RPS6KA5: variants seen among roughly 807,000 people sequenced by gnomAD.
RPS6KA5 encodes ribosomal protein S6 kinase A5, also known as ribosomal protein S6 kinase alpha-5.
In RPS6KA5, 27 loss-of-function variants were observed where a neutral mutation model predicts 85.5. The observed-to-expected ratio is 0.32, with a 90% CI of 0.23 to 0.44. RPS6KA5 has a LOEUF of 0.44. Among genes scored for constraint, RPS6KA5 ranks in the 20% least tolerant of loss-of-function variants. The pLI is 1.00. For synonymous variants in RPS6KA5, 334 were observed against 348.2 expected, an observed-to-expected ratio of 0.96 and a Z score of 0.46; for missense variants, 811 against 980.9, an observed-to-expected ratio of 0.83 and a Z score of 2.31.
In RPS6KA5 at chr14:90,853,923, C is replaced by G. The variant is rs2032144232; in HGVS notation, c.*18151G>C. On this transcript the variant is annotated 3_prime_UTR_variant, in exon 17 of 17. Transcript: ENST00000614987. ...GATTAATCATTTGTACCAGAGAAAA[C>G]TCTGTATATACCAGTACAGGTGGGG... The G allele has an allele frequency of 1.3e-5, 2 of 152,104 alleles. No homozygotes were observed. The highest frequency in any genetic ancestry group is 6.5e-5 in the Admixed American group (1 of 15,270). The allele number at this position is 152,104 out of a possible 1,614,324, so 9.4% of individuals were successfully genotyped here.
intron 6 of RPS6KA5, 98 bp from the exon 7 acceptor site, chr14:90,920,407 T>TA: frequency 3.5e-6 from 3 of 859,402 alleles, no homozygotes; most frequent in Non-Finnish European, 3.7e-6. Context: ...GAAAATGTTT[T>TA]AAAAAATGAT....
intron 1 of RPS6KA5, among the ~76,000 whole-genome samples, chr14:91,057,557 C>A (rs941042723): frequency 6.6e-6 from 1 of 152,182 alleles, no homozygotes; most frequent in Non-Finnish European, 1.5e-5. Flanking sequence ...AAGAGATCCA[C>A]ACAGGCTGCT....
chr14:91,057,214 A>G (rs760858492), intron 1 of RPS6KA5, among the ~76,000 whole-genome samples: 13 of 152,004 alleles, frequency 8.6e-5, no homozygotes, highest in Non-Finnish European at 1.8e-4. Context: ...TTTCTTAGAC[A>G]TACATTCAAG....
chr14:91,051,021 A>C (rs1163677951), intron 1 of RPS6KA5, among the ~76,000 whole-genome samples: 4 of 151,966 alleles, frequency 2.6e-5, no homozygotes, highest in African/African-American at 9.7e-5. Flanking sequence ...TGAGGTCAGG[A>C]GTTCCAGACC....
intron 1 of RPS6KA5, among the ~76,000 whole-genome samples, chr14:91,053,231 T>C (rs1287310425): frequency 1.3e-5 from 2 of 152,192 alleles, no homozygotes; most frequent in African/African-American, 2.4e-5. Flanking sequence ...AATACATCTA[T>C]GAAAAACCCA....
chr14:91,052,791 G>A (rs1013727557), intron 1 of RPS6KA5, among the ~76,000 whole-genome samples: 5 of 146,508 alleles, frequency 3.4e-5, no homozygotes, highest in South Asian at 2.2e-4. Flanking sequence ...CAGAGTTCGC[G>A]TCACTGTACT....
chr14:90,948,273 G>A (rs970263074), intron 3 of RPS6KA5, among the ~76,000 whole-genome samples: 2 of 152,090 alleles, frequency 1.3e-5, no homozygotes, highest in Non-Finnish European at 2.9e-5. Flanking sequence ...CTTCATAAAC[G>A]CAGAACTTAT....
At chr14:91,051,400 G>A (rs1056912178) in intron 1 of RPS6KA5, among the ~76,000 whole-genome samples, 10 of 152,154 alleles carry the variant, frequency 6.6e-5, no homozygotes, top group African/African-American at 2.4e-4. Context: ...GCAACATAGT[G>A]AGATTCTGTC....
Position 91,060,626 on chromosome 14 carries a change from G to C in RPS6KA5, c.-192C>G. ...TCCTCGCCTCCTCCCCCTTCGGCGGGCACCGCTAGTACCGCGCAACCAAAC... is the reference window on the plus strand; with the variant it reads ...TCCTCGCCTCCTCCCCCTTCGGCGGCCACCGCTAGTACCGCGCAACCAAAC... On this transcript the variant is annotated 5_prime_UTR_variant, in exon 1 of 17. Coordinates refer to ENST00000614987, the MANE Select transcript of RPS6KA5 (RefSeq NM_004755.4). 1 of 742,048 alleles carries C rather than the reference G, an allele frequency of 1.3e-6. No homozygotes were observed. The highest frequency in any genetic ancestry group is 1.8e-6 in the Non-Finnish European group (1 of 541,522). 46.0% of individuals were successfully genotyped at this position (742,048 alleles called of 1,614,324 possible).
chr14:90,900,159 C>T lies in RPS6KA5; in HGVS notation c.1328G>A (p.Cys443Tyr). The T allele has an allele frequency of 1.9e-6, 3 of 1,606,432 alleles. No homozygotes were observed. Among genetic ancestry groups the T allele is most frequent in the Non-Finnish European group, 2.6e-6 (3 of 1,175,760 alleles). Reference sequence around the variant, plus strand: ...AGCTTGGTTACTTTTTTTATGCACACACTTTCGACAAATTGAAAAACTACC... The same window carrying T: ...AGCTTGGTTACTTTTTTTATGCACATACTTTCGACAAATTGAAAAACTACC... The part of the protein sequence containing the change: ...GEGSFSICRK[C>Y]VHKKSNQAFA... The change falls in exon 11 of 17, where the codon TGT becomes TAT. Residue 443 changes from cysteine (C) to tyrosine (Y), a missense_variant. Physicochemically the swap from Cys to Tyr is radical, Grantham distance 194. Around this residue, in one of 3 missense-constraint regions of RPS6KA5, gnomAD observed 650 missense variants for 793.4 expected, o/e 0.82. Transcript: ENST00000614987.
intron 1 of RPS6KA5, among the ~76,000 whole-genome samples, chr14:91,002,478 C>T (rs1463884510): frequency 6.6e-6 from 1 of 152,066 alleles, no homozygotes; most frequent in East Asian, 1.9e-4. Context: ...TTATATGGTG[C>T]TTGCTGTGTG....
rs550338007 is a variant in RPS6KA5, at chr14:91,030,207, T to C, written c.104-29048A>G. ...TGTCTGAAACGGATTTAAGGAGTTT[T>C]ATTCCCCAAGTCCTCACACTCGTAA... On this transcript the variant is annotated intron_variant, in intron 1 of 16. Transcript: ENST00000614987. Among the ~76,000 whole-genome samples the C allele has an allele frequency of 6.6e-5, 10 of 152,328 alleles. No homozygotes were observed. In the South Asian group the frequency reaches 8.3e-4, roughly 13 times the overall value.
intron 4 of RPS6KA5, among the ~76,000 whole-genome samples, chr14:90,943,512 C>G (rs528367290): frequency 2.4e-4 from 37 of 152,214 alleles, no homozygotes; most frequent in South Asian, 1.2e-3. Context: ...CCTTCAGGTG[C>G]CTTCATAGCC....
chr14:91,043,836 C>T (rs1281391306), intron 1 of RPS6KA5, among the ~76,000 whole-genome samples: 1 of 152,146 alleles, frequency 6.6e-6, no homozygotes, highest in Non-Finnish European at 1.5e-5. Context: ...AATCTCCTCC[C>T]CTTGAGTGAG....
At chr14:90,971,563 C>T (rs113925994) in intron 3 of RPS6KA5, among the ~76,000 whole-genome samples, 7 of 152,144 alleles carry the variant, frequency 4.6e-5, no homozygotes, top group African/African-American at 1.2e-4. Flanking sequence ...TAGTCTATTC[C>T]GTATCTGGTT....
Position 90,867,494 on chromosome 14 carries a change from T to C in RPS6KA5, c.*4580A>G, listed in dbSNP as rs1471997752. On this transcript the variant is annotated 3_prime_UTR_variant, in exon 17 of 17. Transcript: ENST00000614987. ...CTATACTAAATACTAACTTGACTTA[T>C]CTGAAGTATTCAATACTTTCTGATA... is the stretch of plus-strand genomic sequence containing the variant. The C allele has an allele frequency of 6.6e-6, 1 of 152,174 alleles. No homozygotes were observed. The highest frequency in any genetic ancestry group is 2.4e-5 in the African/African-American group (1 of 41,440). The allele number at this position is 152,174 out of a possible 1,614,324, so 9.4% of individuals were successfully genotyped here.
At chr14:90,990,245 A>G (rs1461665272) in intron 2 of RPS6KA5, among the ~76,000 whole-genome samples, 2 of 152,176 alleles carry the variant, frequency 1.3e-5, no homozygotes, top group Non-Finnish European at 2.9e-5. Context: ...CTCAAAAGAA[A>G]ACATACACAT....
At chr14:90,913,576 C>T (rs1204690197) in intron 7 of RPS6KA5, among the ~76,000 whole-genome samples, 3 of 152,180 alleles carry the variant, frequency 2.0e-5, no homozygotes, top group East Asian at 1.9e-4. Flanking sequence ...GCTTGTTAGA[C>T]GTGCCTGGAA....
chr14:90,987,700 C>CACA (rs58564796), intron 2 of RPS6KA5, among the ~76,000 whole-genome samples: 11 of 151,600 alleles, frequency 7.3e-5, no homozygotes, highest in East Asian at 1.9e-4. Flanking sequence ...CAGCAGCAGC[C>CACA]ACAACAACAA....
Sources: allele counts gnomAD v4.1 joint callset (sites outside exome capture counted in the v4.1 genomes callset), GRCh38; gene constraint gnomAD v4.1.1; regional missense constraint gnomAD v4.1.1; transcripts MANE v1.5; gene names NCBI Gene and HGNC (gene_info 2026-07-23, HGNC 2026-07-21).